The following CACNA1D variants were observed in gnomAD, a reference collection of about 807,000 sequenced individuals.
The protein encoded by CACNA1D is calcium voltage-gated channel subunit alpha1 D.
A neutral mutation model predicts 257.1 loss-of-function variants in CACNA1D; 55 were observed. That is an observed-to-expected ratio of 0.21 (90% CI 0.17 to 0.27). The LOEUF (loss-of-function observed/expected upper bound fraction) is 0.27, where lower values mean the gene tolerates loss of function less well. Among genes scored for constraint, CACNA1D ranks in the 10% least tolerant of loss-of-function variants. The probability of loss-of-function intolerance (pLI) is 1.00; values close to 1 mark genes in which losing one functional copy is unlikely to be tolerated. For missense variants in CACNA1D, 1,876 were observed against 2,784.0 expected, an observed-to-expected ratio of 0.67 and a Z score of 7.34; for synonymous variants, 980 against 1,014.9, an observed-to-expected ratio of 0.97 and a Z score of 0.65.
rs771911205 is a variant in CACNA1D at position 53,781,589 on chromosome 3, G to C, written c.4714G>C (p.Glu1572Gln). The change falls in exon 39 of 48, where the codon GAA (glutamate) becomes CAA (glutamine). Residue 1572 changes from glutamate to glutamine, a missense_variant. Coordinates refer to ENST00000350061, the MANE Select transcript of CACNA1D (RefSeq NM_001128840.3). Reference protein sequence around the residue: ...TEGNLEQANEELRAVIKKIWK... With the variant: ...TEGNLEQANEQLRAVIKKIWK... The stretch of plus-strand genomic sequence containing the variant: ...AGGGAACCTGGAGCAAGCTAATGAA[G>C]AACTTCGGGCTGTGATAAAGAAAAT... 26 of 1,613,722 alleles carry C rather than the reference G, an allele frequency of 1.6e-5. No homozygotes were observed. The highest frequency in any genetic ancestry group is 1.6e-4 in the Middle Eastern group (1 of 6,082).
intron 3 of CACNA1D, among the ~76,000 whole-genome samples, chr3:53,561,089 AT>A (rs2092730054): frequency 6.6e-6 from 1 of 152,138 alleles, no homozygotes; most frequent in Non-Finnish European, 1.5e-5. Flanking sequence ...TTTCATCTTC[AT>A]TTTATGGATC....
intron 3 of CACNA1D, among the ~76,000 whole-genome samples, chr3:53,566,441 C>T (rs1431252487): frequency 6.6e-6 from 1 of 152,108 alleles, no homozygotes; most frequent in African/African-American, 2.4e-5. Context: ...CAGAGAGGTC[C>T]TCCCTGACCA....
At chr3:53,632,714 G>A (rs2093835551) in intron 3 of CACNA1D, among the ~76,000 whole-genome samples, 1 of 152,188 alleles carries the variant, frequency 6.6e-6, no homozygotes, top group Non-Finnish European at 1.5e-5. Flanking sequence ...TAATTTCAAT[G>A]TTATTGCGTC....
intron 8 of CACNA1D, among the ~76,000 whole-genome samples, chr3:53,689,372 G>T (rs533992214): frequency 5.3e-5 from 8 of 151,648 alleles, no homozygotes; most frequent in African/African-American, 1.7e-4. Context: ...TTTAAGCTGC[G>T]GGAGCTGTCA....
chr3:53,712,703 C>T (rs1046306412), intron 9 of CACNA1D, among the ~76,000 whole-genome samples: 3 of 152,152 alleles, frequency 2.0e-5, no homozygotes, highest in African/African-American at 7.2e-5. Flanking sequence ...GTTGTCCAGC[C>T]TCACCCCCTA....
At chr3:53,553,077 G>A (rs1475309628) in intron 3 of CACNA1D, among the ~76,000 whole-genome samples, 1 of 152,162 alleles carries the variant, frequency 6.6e-6, no homozygotes, top group Non-Finnish European at 1.5e-5. Context: ...ATGAAAGCAG[G>A]GAACTAGAGC....
intron 14 of CACNA1D, among the ~76,000 whole-genome samples, chr3:53,724,249 C>T (rs140236544): frequency 2.9e-4 from 44 of 152,244 alleles, no homozygotes; most frequent in Non-Finnish European, 5.0e-4. Flanking sequence ...CCAAAAAAAC[C>T]GTTTTTCACA....
intron 10 of CACNA1D, chr3:53,718,601 C>CCCCCCAAA: frequency 9.1e-7 from 1 of 1,103,202 alleles, no homozygotes; most frequent in Non-Finnish European, 1.3e-6. Flanking sequence ...CCCCCCGGCC[C>CCCCCCAAA]AGCATTTCAC....
intron 4 of CACNA1D, among the ~76,000 whole-genome samples, 178 bp from the exon 5 acceptor site, chr3:53,659,955 T>C (rs1042679611): frequency 1.3e-5 from 2 of 152,244 alleles, no homozygotes; most frequent in Non-Finnish European, 2.9e-5. Flanking sequence ...CCCAATCATT[T>C]TGGAGATGGC....
Position 53,732,835 on chromosome 3 carries a change from G to A in CACNA1D, c.2494G>A (p.Glu832Lys). The change falls in exon 19 of 48, where the codon GAG (glutamate) becomes AAG (lysine). Residue 832 changes from glutamate (E) to lysine (K), a missense_variant. By Grantham distance (56) the Glu-to-Lys change is moderately conservative. This residue lies in a region of CACNA1D where 271 missense variants were observed against 425.5 expected (regional missense o/e 0.64). Coordinates refer to ENST00000350061, the MANE Select transcript of CACNA1D (RefSeq NM_001128840.3). ...DVPVGEEEEE[E>K]EEDEPEVPAG... Reference sequence around the variant, plus strand: ...TAAAGTAGGGGAAGAGGAAGAGGAAGAGGAGGAGGATGAACCTGAGGTTCC... The same window carrying A: ...TAAAGTAGGGGAAGAGGAAGAGGAAAAGGAGGAGGATGAACCTGAGGTTCC... 1.2e-6 allele frequency: 2 copies of A among 1,612,180 alleles called. No homozygotes were observed. The highest frequency in any genetic ancestry group is 1.7e-6 in the Non-Finnish European group (2 of 1,178,248).
At chr3:53,804,706 G>C (rs2095553321) in intron 44 of CACNA1D, among the ~76,000 whole-genome samples, 1 of 152,188 alleles carries the variant, frequency 6.6e-6, no homozygotes, top group Non-Finnish European at 1.5e-5. Flanking sequence ...GAAATGAGTG[G>C]GTGAGAGCCT....
At chr3:53,632,749 CAG>C (rs1048775357) in intron 3 of CACNA1D, among the ~76,000 whole-genome samples, 2 of 151,532 alleles carry the variant, frequency 1.3e-5, no homozygotes, top group African/African-American at 2.4e-5. Flanking sequence ...AGCCCAAGGA[CAG>C]AGAGAGAGAG....
At chr3:53,693,412 G>A (rs1190139243) in intron 8 of CACNA1D, among the ~76,000 whole-genome samples, 1 of 151,582 alleles carries the variant, frequency 6.6e-6, no homozygotes, top group African/African-American at 2.4e-5. Flanking sequence ...CTGAGCCAGT[G>A]CCAATGATTA....
chr3:53,497,349 G>C lies in CACNA1D; in HGVS notation c.265G>C (p.Ala89Pro). ...CTCCCAAAGAAAACGTCAGCAATAC[G>C]CCAAGAGCAAAAAACAGGGTAACTC... is the stretch of plus-strand genomic sequence containing the variant. ...SLSQRKRQQYAKSKKQGNSSN... is the reference protein window; with the variant it reads ...SLSQRKRQQYPKSKKQGNSSN... Residue 89 changes from alanine to proline, a missense_variant, in exon 2 of 48, where the codon GCC (alanine) becomes CCC (proline). Coordinates refer to ENST00000350061, the MANE Select transcript of CACNA1D (RefSeq NM_001128840.3). 6.2e-7 allele frequency: 1 copy of C among 1,614,092 alleles called. No homozygotes were observed. The highest frequency in any genetic ancestry group is 8.5e-7 in the Non-Finnish European group (1 of 1,180,006).
At chr3:53,642,357 C>T (rs2093965666) in intron 3 of CACNA1D, among the ~76,000 whole-genome samples, 1 of 152,228 alleles carries the variant, frequency 6.6e-6, no homozygotes, top group Non-Finnish European at 1.5e-5. Flanking sequence ...CAGACTTGCT[C>T]TCTTCGGACC....
At chr3:53,713,299 A>C (rs1472110550) in intron 9 of CACNA1D, among the ~76,000 whole-genome samples, 1 of 152,228 alleles carries the variant, frequency 6.6e-6, no homozygotes, top group Non-Finnish European at 1.5e-5. Context: ...TCTGGTAGCC[A>C]AGCATAGGGG....
rs1029654556 is a variant in CACNA1D, at chr3:53,673,960, T to C, written c.1220+834T>C. 4.2e-6 allele frequency: 3 copies of C among 716,710 alleles called. No individual in the cohort carries two copies. Among genetic ancestry groups the C allele is most frequent in the Non-Finnish European group, 7.8e-6 (3 of 384,322 alleles). The allele number at this position is 716,710 out of a possible 1,614,324, so 44.4% of individuals were successfully genotyped here. A position where few individuals can be genotyped will look rare whatever the true frequency, so the allele number is the denominator to read the frequency against. On this transcript the variant is annotated intron_variant, in intron 8 of 47. Transcript: ENST00000350061. The surrounding 1 kb of genome is among the most constrained non-coding windows in gnomAD (Gnocchi z 4.1). ...AGTGTGTTGCTTTTGGATTGAACTG[T>C]GATTCTTTCTGCCTGTATCTGTCTG...
At chr3:53,609,337 G>A (rs151059169) in intron 3 of CACNA1D, among the ~76,000 whole-genome samples, 1 of 150,790 alleles carries the variant, frequency 6.6e-6, no homozygotes, top group African/African-American at 2.4e-5. Flanking sequence ...GTGATCCTGG[G>A]AGGCAGAGCT....
At chr3:53,517,428 TC>T (rs2091383961) in intron 3 of CACNA1D, among the ~76,000 whole-genome samples, 1 of 151,924 alleles carries the variant, frequency 6.6e-6, no homozygotes, top group South Asian at 2.1e-4. Context: ...GGACCCTCCC[TC>T]CTTCCCTACC....
Sources: allele counts gnomAD v4.1 joint callset (sites outside exome capture counted in the v4.1 genomes callset), GRCh38; gene constraint gnomAD v4.1.1; regional missense constraint gnomAD v4.1.1; non-coding constraint Gnocchi (gnomAD v3.1); transcripts MANE v1.5; gene names NCBI Gene and HGNC (gene_info 2026-07-23, HGNC 2026-07-21).